The following WDR86 variants were observed in gnomAD, a reference collection of about 807,000 sequenced individuals.
WDR86 encodes WD repeat domain 86.
WDR86 carries 30 observed loss-of-function variants against 36.5 expected under a neutral mutation model. That is an observed-to-expected ratio of 0.82 (90% CI 0.61 to 1.11). WDR86 has a LOEUF of 1.11. WDR86 is among the 50% of genes most tolerant of loss of function. The pLI, the probability that WDR86 is intolerant of heterozygous loss-of-function variation, is 0.00. For missense variants in WDR86, 545 were observed against 561.2 expected (o/e 0.97, Z 0.29); for synonymous variants, 255 against 252.9 (o/e 1.01, Z -0.08).
At chr7:151,402,091 A>ATATATATATATATATATATATCTC (rs1365492180) in intron 1 of WDR86, among the ~76,000 whole-genome samples, 35 of 124,172 alleles carry the variant, frequency 2.8e-4, no homozygotes, top group African/African-American at 1.1e-3. Flanking sequence ...ATATATATAT[A>ATATATATATATATATATATATCTC]TCTCCACAAA....
At chr7:151,385,801 G>T (rs1025860377) in intron 3 of WDR86, among the ~76,000 whole-genome samples, 2 of 152,194 alleles carry the variant, frequency 1.3e-5, no homozygotes, top group African/African-American at 4.8e-5. Flanking sequence ...CTGCTGTCTC[G>T]CAGGAGGTAC....
chr7:151,401,893 C>CA lies in WDR86; in HGVS notation c.164-1653dup, dbSNP rs1472036774. 1.3e-5 allele frequency among the ~76,000 whole-genome samples: 2 copies of CA among 149,932 alleles called. No homozygotes were observed. Among genetic ancestry groups the CA allele is most frequent in the Non-Finnish European group, 3.0e-5 (2 of 67,460 alleles). On this transcript the variant is annotated intron_variant, in intron 1 of 5. Coordinates refer to ENST00000334493, the MANE Select transcript of WDR86 (RefSeq NM_198285.3). This position sits in a 1 kb window ranked among gnomAD's most constrained non-coding sequence, Gnocchi z 4.3. Reference sequence around the variant, plus strand: ...TGAAACCCCGTCTCTACTAAAAATACAAAAAATTAGCCGGGCGTGGTGGTG... The same window carrying CA: ...TGAAACCCCGTCTCTACTAAAAATACAAAAAAATTAGCCGGGCGTGGTGGTG...
Position 151,400,206 on chromosome 7 carries a change from C to T in WDR86, c.199G>A (p.Asp67Asn), listed in dbSNP as rs747797794. ...GCGCTGCATGTGAAGGCAGCCTCAT[C>T]CTCCAGCTGGCAGAAGGTCACATAG... ...ESYVTFCQLE[D>N]EAAFTCSADC... Residue 67 changes from aspartate (D) to asparagine (N), a missense_variant, in exon 2 of 6, where the codon GAT becomes AAT. By Grantham distance (23) the Asp-to-Asn change is conservative (BLOSUM62 1). Coordinates refer to ENST00000334493, the MANE Select transcript of WDR86 (RefSeq NM_198285.3). 6.2e-7 allele frequency: 1 copy of T among 1,611,242 alleles called. No homozygotes were observed. Among genetic ancestry groups the T allele is most frequent in the Non-Finnish European group, 8.5e-7 (1 of 1,178,680 alleles).
chr7:151,391,858 G>A (rs527631609), intron 3 of WDR86, among the ~76,000 whole-genome samples: 4 of 128,256 alleles, frequency 3.1e-5, no homozygotes, highest in East Asian at 4.8e-4. Context: ...CCCCTCCCAC[G>A]CACCGTGAGG....
chr7:151,389,864 T>C (rs1269100007), intron 3 of WDR86, among the ~76,000 whole-genome samples: 1 of 152,194 alleles, frequency 6.6e-6, no homozygotes, highest in Non-Finnish European at 1.5e-5. Flanking sequence ...AGGTCTCTGC[T>C]TCAATCTTAG....
At chr7:151,383,864 T>C (rs951861742) in intron 4 of WDR86, among the ~76,000 whole-genome samples, 4 of 152,182 alleles carry the variant, frequency 2.6e-5, no homozygotes, top group Non-Finnish European at 5.9e-5. Flanking sequence ...GCTGCAGGCT[T>C]CGCTTTCCCT....
Position 151,409,316 on chromosome 7 carries a change from G to T in WDR86, c.163+111C>A. 3 of 1,475,164 alleles carry T rather than the reference G, an allele frequency of 2.0e-6. No individual in the cohort carries two copies. The highest frequency in any genetic ancestry group is 2.5e-5 in the South Asian group (2 of 79,514). 91.4% of individuals were successfully genotyped at this position (1,475,164 alleles called of 1,614,324 possible). On this transcript the variant is annotated intron_variant, in intron 1 of 5. Transcript: ENST00000334493. This position sits in a 1 kb window ranked among gnomAD's most constrained non-coding sequence, Gnocchi z 5.2. Reference sequence around the variant, plus strand: ...CGCTCTTCCGCTAGTGTGCCGGGATGAGCGGGGGCTGGACTTCTAGAAAGG... The same window carrying T: ...CGCTCTTCCGCTAGTGTGCCGGGATTAGCGGGGGCTGGACTTCTAGAAAGG...
intron 3 of WDR86, among the ~76,000 whole-genome samples, chr7:151,391,550 G>A (rs75141137): frequency 0.017 from 2,535 of 152,252 alleles, 86 homozygotes; most frequent in African/African-American, 0.058. Flanking sequence ...CTGAGGGTCC[G>A]GCTGGATTCT....
chr7:151,378,086 T>C (rs1798390781), downstream of WDR86: 1 of 152,234 alleles, frequency 6.6e-6, no homozygotes, highest in African/African-American at 2.4e-5. Flanking sequence ...TTGTTGTTGT[T>C]CTAGCCATGT....
intron 1 of WDR86, 29 bp from the exon 2 acceptor site, chr7:151,400,270 G>A (rs1368501568): frequency 6.5e-7 from 1 of 1,535,936 alleles, no homozygotes; most frequent in Non-Finnish European, 8.8e-7. Context: ...GGAGATGTGA[G>A]CGTACTGGGG....
chr7:151,370,143 G>C, the WDR86 span, among the ~76,000 whole-genome samples: 1 of 151,842 alleles, frequency 6.6e-6, no homozygotes, highest in Non-Finnish European at 1.5e-5. Flanking sequence ...ACCCAGGCTG[G>C]AGTGCAGTGG....
At position 151,388,544 on chromosome 7, in the gene WDR86, G is replaced by T. The variant is rs1799157763; in HGVS notation, c.727-3321C>A. ...CAGGTCCTCACACCATCTCTGGCCC[G>T]ACCCTCTCCAAAGGAGGCCTGTGTG... On this transcript the variant is annotated intron_variant, in intron 3 of 5. Coordinates refer to ENST00000334493, the MANE Select transcript of WDR86 (RefSeq NM_198285.3). This position sits in a 1 kb window ranked among gnomAD's most constrained non-coding sequence, Gnocchi z 4.2. Among the ~76,000 whole-genome samples the T allele has an allele frequency of 6.6e-6, 1 of 152,172 alleles. No individual in the cohort carries two copies.
In WDR86 at chr7:151,409,219, A is replaced by C; in HGVS notation, c.163+208T>G. The C allele has an allele frequency of 1.3e-6, 1 of 765,244 alleles. No homozygotes were observed. Among genetic ancestry groups the C allele is most frequent in the Non-Finnish European group, 2.1e-6 (1 of 475,782 alleles). 47.4% of individuals were successfully genotyped at this position (765,244 alleles called of 1,614,324 possible). A position where few individuals can be genotyped will look rare whatever the true frequency, so the allele number is the denominator to read the frequency against. On this transcript the variant is annotated intron_variant, in intron 1 of 5. Coordinates refer to ENST00000334493, the MANE Select transcript of WDR86 (RefSeq NM_198285.3). The surrounding 1 kb of genome is among the most constrained non-coding windows in gnomAD (Gnocchi z 5.2). ...CGATCCCGGCCGCACCCTGCTCTGC[A>C]CCCGCACCCCACCCCCAGACCTCAC...
Position 151,381,285 on chromosome 7 carries a change from CCCCTGAGGTGG to C in WDR86, c.*286_*296del, listed in dbSNP as rs1336787455. On this transcript the variant is annotated 3_prime_UTR_variant, in exon 6 of 6. Coordinates refer to ENST00000334493, the MANE Select transcript of WDR86 (RefSeq NM_198285.3). The surrounding 1 kb of genome is among the most constrained non-coding windows in gnomAD (Gnocchi z 4.8). ...GGGAGCTGGGGCAGTCCGCCTGCAGCCCCTGAGGTGGGAGGGTCCCCAGGACTAGGCCTTTC... is the reference window on the plus strand; with the variant it reads ...GGGAGCTGGGGCAGTCCGCCTGCAGCGAGGGTCCCCAGGACTAGGCCTTTC... 15 of 1,313,376 alleles carry C rather than the reference CCCCTGAGGTGG, an allele frequency of 1.1e-5. No homozygotes were observed. Among genetic ancestry groups the C allele is most frequent in the Non-Finnish European group, 1.4e-5 (15 of 1,035,700 alleles). 81.4% of individuals were successfully genotyped at this position (1,313,376 alleles called of 1,614,324 possible). A position where few individuals can be genotyped will look rare whatever the true frequency, so the allele number is the denominator to read the frequency against.
Position 151,381,485 on chromosome 7 carries a change from C to A in WDR86, c.*97G>T, listed in dbSNP as rs1172322801. 1.4e-6 allele frequency: 2 copies of A among 1,466,900 alleles called. No individual in the cohort carries two copies. Among genetic ancestry groups the A allele is most frequent in the Admixed American group, 2.6e-5 (1 of 37,900 alleles). 90.9% of individuals were successfully genotyped at this position (1,466,900 alleles called of 1,614,324 possible). On this transcript the variant is annotated 3_prime_UTR_variant, in exon 6 of 6. Transcript: ENST00000334493. The surrounding 1 kb of genome is among the most constrained non-coding windows in gnomAD (Gnocchi z 4.8). ...GCCCGGGCTTCCTCGCTCCTCGCCC[C>A]TCGCCGGCCATCGGGCGCCACCACC...
chr7:151,385,309 G>A (rs758827946), intron 3 of WDR86, 86 bp from the exon 4 acceptor site: 1 of 1,571,974 alleles, frequency 6.4e-7, no homozygotes. Flanking sequence ...GAAGGGGCAT[G>A]TGCAGGTCTC....
At chr7:151,375,915 A>G (rs1402824161) in exon 2 of WDR86, 2 of 1,612,958 alleles carry the variant, frequency 1.2e-6, no homozygotes. Flanking sequence ...AACCGTCAAG[A>G]AAGTCCTTCC....
At chr7:151,371,702 G>A (rs1382339458), downstream of WDR86, among the ~76,000 whole-genome samples, 3 of 152,280 alleles carry the variant, frequency 2.0e-5, no homozygotes, top group East Asian at 5.8e-4. Context: ...GAGTTCCAAC[G>A]TTCTAGGTAT....
At chr7:151,397,047 C>G (rs929869075) in intron 2 of WDR86, among the ~76,000 whole-genome samples, 3 of 152,248 alleles carry the variant, frequency 2.0e-5, no homozygotes, top group African/African-American at 7.2e-5. Flanking sequence ...CAGAGCTTTG[C>G]ACAGAACCTC....
Sources: allele counts gnomAD v4.1 joint callset (sites outside exome capture counted in the v4.1 genomes callset), GRCh38; gene constraint gnomAD v4.1.1; non-coding constraint Gnocchi (gnomAD v3.1); transcripts MANE v1.5; gene names NCBI Gene and HGNC (gene_info 2026-07-23, HGNC 2026-07-21).